GALNT9: variants seen among roughly 807,000 people sequenced by gnomAD.
GALNT9 encodes the protein GalNAc transferase 9.
In GALNT9, 47 loss-of-function variants were observed where a neutral mutation model predicts 63.1. The ratio of observed to expected loss-of-function variants is 0.75; its 90% CI spans 0.59 to 0.95. The LOEUF is 0.95. Ranked by LOEUF, GALNT9 falls within the 40% of genes least tolerant of loss-of-function variation. The probability of loss-of-function intolerance (pLI) is 0.00; values close to 1 mark genes in which losing one functional copy is unlikely to be tolerated. For missense variants in GALNT9, 829 were observed against 874.8 expected (o/e 0.95, Z 0.66); for synonymous variants, 396 against 365.7 (o/e 1.08, Z -0.94).
At chr12:132,250,004 C>T (rs1032676288) in intron 5 of GALNT9, among the ~76,000 whole-genome samples, 3 of 152,172 alleles carry the variant, frequency 2.0e-5, no homozygotes, top group Non-Finnish European at 4.4e-5. Context: ...TTAGTCCAGC[C>T]GGACGCCTCT....
chr12:132,238,230 A>G lies in GALNT9; in HGVS notation c.1077+9680T>C, dbSNP rs1878076075. Among the ~76,000 whole-genome samples the G allele has an allele frequency of 6.6e-6, 1 of 152,052 alleles. No individual in the cohort carries two copies. Among genetic ancestry groups the G allele is most frequent in the East Asian group, 1.9e-4 (1 of 5,170 alleles). On this transcript the variant is annotated intron_variant, in intron 6 of 10. Coordinates refer to ENST00000328957, the MANE Select transcript of GALNT9 (RefSeq NM_001122636.2). The surrounding 1 kb of genome is among the most constrained non-coding windows in gnomAD (Gnocchi z 6.5). ...GGAGAGAGGGGAGAGAGGGGGCGTC[A>G]TCCCAGAGCCCATGAGGGACACGGC...
chr12:132,271,879 G>A (rs1879879468), intron 2 of GALNT9, among the ~76,000 whole-genome samples: 1 of 152,176 alleles, frequency 6.6e-6, no homozygotes, highest in Non-Finnish European at 1.5e-5. Context: ...TGCTGTGTGT[G>A]TTACTGCGGC....
At chr12:132,250,793 C>T (rs1424334004) in intron 5 of GALNT9, among the ~76,000 whole-genome samples, 1 of 138,476 alleles carries the variant, frequency 7.2e-6, no homozygotes, top group South Asian at 2.4e-4. Context: ...CCGTCTCAAA[C>T]GACAACAACA....
rs1441868412 is a variant in GALNT9 at position 132,252,944 on chromosome 12, T to C, written c.959+4745A>G. Among the ~76,000 whole-genome samples, 4 of 151,584 alleles carry C rather than the reference T, an allele frequency of 2.6e-5. No homozygotes were observed. The highest frequency in any genetic ancestry group is 1.9e-4 in the East Asian group (1 of 5,146). Reference sequence around the variant, plus strand: ...GAACGGCTGGGTGCGCTGATATTTATTGCATACAGGACGAGGGGGCAGGGT... The same window carrying C: ...GAACGGCTGGGTGCGCTGATATTTACTGCATACAGGACGAGGGGGCAGGGT... On this transcript the variant is annotated intron_variant, in intron 5 of 10. Coordinates refer to ENST00000328957, the MANE Select transcript of GALNT9 (RefSeq NM_001122636.2). The surrounding 1 kb of genome is among the most constrained non-coding windows in gnomAD (Gnocchi z 5.2).
At chr12:132,324,314 G>A (rs1320771806) in intron 1 of GALNT9, among the ~76,000 whole-genome samples, 6 of 152,320 alleles carry the variant, frequency 3.9e-5, no homozygotes, top group South Asian at 4.1e-4. Context: ...TGCCCGGGCC[G>A]AGCCTGTGCG....
rs1877990600 is a variant in GALNT9, at chr12:132,236,127, C to T, written c.1077+11783G>A. On this transcript the variant is annotated intron_variant, in intron 6 of 10. Transcript: ENST00000328957. This position sits in a 1 kb window ranked among gnomAD's most constrained non-coding sequence, Gnocchi z 5.6. ...GAGGGTCCCCCGGGCTGGAGTTCAA[C>T]CCTCGGGACAGGGCAGAAGATCCCC... Among the ~76,000 whole-genome samples the T allele has an allele frequency of 6.6e-6, 1 of 151,704 alleles. No individual in the cohort carries two copies. The highest frequency in any genetic ancestry group is 6.6e-5 in the Admixed American group (1 of 15,230).
intron 5 of GALNT9, among the ~76,000 whole-genome samples, chr12:132,248,464 T>A (rs1393973456): frequency 7.5e-6 from 1 of 133,156 alleles, no homozygotes; most frequent in African/African-American, 2.6e-5. Flanking sequence ...CAGAGTGAGA[T>A]CCTGTCTCCC....
At chr12:132,244,262 G>A (rs1429404368) in intron 6 of GALNT9, among the ~76,000 whole-genome samples, 1 of 73,098 alleles carries the variant, frequency 1.4e-5, no homozygotes, top group Non-Finnish European at 2.6e-5. Context: ...GGCTAGACGG[G>A]GGATGTGGTG....
intron 6 of GALNT9, among the ~76,000 whole-genome samples, chr12:132,239,783 GGCAGAGACAGAT>G (rs1239671762): frequency 1.3e-5 from 2 of 152,090 alleles, no homozygotes; most frequent in Admixed American, 6.5e-5. Flanking sequence ...GAGACTGGGA[GGCAGAGACAGAT>G]GCAGAGACAG....
At chr12:132,305,283 G>A (rs868994198) in intron 1 of GALNT9, among the ~76,000 whole-genome samples, 32 of 15,320 alleles carry the variant, frequency 2.1e-3, no homozygotes, top group Non-Finnish European at 2.4e-3. Context: ...GCACACCCTC[G>A]CCCGGACACG....
In GALNT9 at chr12:132,257,810, T is replaced by C. The variant is rs1295283586; in HGVS notation, c.838A>G (p.Ser280Gly). 1.7e-5 allele frequency: 26 copies of C among 1,550,268 alleles called. No homozygotes were observed. The highest frequency in any genetic ancestry group is 1.2e-5 in the South Asian group (1 of 84,072). Residue 280 changes from serine to glycine, a missense_variant, in exon 5 of 11, where the codon AGC becomes GGC. Coordinates refer to ENST00000328957, the MANE Select transcript of GALNT9 (RefSeq NM_001122636.2). The part of the protein sequence containing the change: ...VLPAIDNIKY[S>G]TFEVQQYANA... Reference sequence around the variant, plus strand: ...GCATACTGCTGCACCTCAAACGTGCTGTACTTGATGTTGTCGATGGCTGGC... The same window carrying C: ...GCATACTGCTGCACCTCAAACGTGCCGTACTTGATGTTGTCGATGGCTGGC...
rs543499749 is a variant in GALNT9 at position 132,282,326 on chromosome 12, A to G, written c.419+3924T>C. ...CCACATCCCACAGAGGGGGAATCCAATGGGACCCCTGCAGCTCTAAGAACA... is the reference window on the plus strand; with the variant it reads ...CCACATCCCACAGAGGGGGAATCCAGTGGGACCCCTGCAGCTCTAAGAACA... On this transcript the variant is annotated intron_variant, in intron 2 of 10. Transcript: ENST00000328957. This position sits in a 1 kb window ranked among gnomAD's most constrained non-coding sequence, Gnocchi z 4.5. Among the ~76,000 whole-genome samples the G allele has an allele frequency of 9.8e-5, 15 of 152,292 alleles. No homozygotes were observed. In the South Asian group the frequency reaches 2.1e-3, roughly 21 times the overall value.
At chr12:132,284,523 T>C (rs1880511968) in intron 2 of GALNT9, 1 of 152,268 alleles carries the variant, frequency 6.6e-6, no homozygotes, top group South Asian at 2.1e-4. Context: ...ATTTCACCGC[T>C]GCAAATGGAA....
At chr12:132,243,570 T>C (rs2136905706) in intron 6 of GALNT9, among the ~76,000 whole-genome samples, 65 of 152,322 alleles carry the variant, frequency 4.3e-4, no homozygotes, top group African/African-American at 1.5e-3. Context: ...TCTCTTCGTC[T>C]GGCTCCCAGG....
chr12:132,291,234 G>A lies in GALNT9; in HGVS notation c.239-4804C>T, dbSNP rs1157231059. On this transcript the variant is annotated intron_variant, in intron 1 of 10. Coordinates refer to ENST00000328957, the MANE Select transcript of GALNT9 (RefSeq NM_001122636.2). ...CACCACCCACATCCACAGCGCCCACGTCCACAGCGCCCACGTCCTCAGCGC... is the reference window on the plus strand; with the variant it reads ...CACCACCCACATCCACAGCGCCCACATCCACAGCGCCCACGTCCTCAGCGC... Among the ~76,000 whole-genome samples, 14 of 26,832 alleles carry A rather than the reference G, an allele frequency of 5.2e-4. 3 individuals carry two copies. Among genetic ancestry groups the A allele is most frequent in the Non-Finnish European group, 7.2e-4 (12 of 16,718 alleles). The allele number at this position is 26,832 out of a possible 152,430, so 17.6% of individuals were successfully genotyped here.
chr12:132,289,549 T>C (rs1291977999), intron 1 of GALNT9, among the ~76,000 whole-genome samples: 2 of 152,208 alleles, frequency 1.3e-5, no homozygotes, highest in African/African-American at 4.8e-5. Flanking sequence ...TGAATCTGCT[T>C]CATTGGCCAG....
rs1430880522 is a variant in GALNT9, at chr12:132,257,882, C to T, written c.766G>A (p.Glu256Lys). 1.0e-4 allele frequency: 161 copies of T among 1,533,864 alleles called. No individual in the cohort carries two copies. The highest frequency in any genetic ancestry group is 1.3e-4 in the Non-Finnish European group (143 of 1,137,334). ...TCTCGGATCCGCGACAGTGCGGGCT[C>T]GGCCCTGCGGAGGCACAGCTGTGAG... ...AHVEFNTGWAEPALSRIREDR... is the reference protein window; with the variant it reads ...AHVEFNTGWAKPALSRIREDR... The change falls in exon 5 of 11, where the codon GAG (glutamate) becomes AAG (lysine). Residue 256 changes from glutamate (E) to lysine (K), a missense_variant. Transcript: ENST00000328957.
chr12:132,203,093 C>T (rs1326697548), intron 7 of GALNT9, among the ~76,000 whole-genome samples: 2 of 152,114 alleles, frequency 1.3e-5, no homozygotes, highest in South Asian at 2.1e-4. Flanking sequence ...TTCATGAAAC[C>T]GCCAGACAGT....
intron 1 of GALNT9, among the ~76,000 whole-genome samples, chr12:132,321,210 AGGCCCCTGTGGG>A (rs1868775176): frequency 3.4e-5 from 1 of 29,134 alleles, no homozygotes; most frequent in East Asian, 2.8e-3. Context: ...TCCAGAGTCG[AGGCCCCTGTGGG>A]TCTGGAGTCG....
Sources: allele counts gnomAD v4.1 joint callset (sites outside exome capture counted in the v4.1 genomes callset), GRCh38; gene constraint gnomAD v4.1.1; non-coding constraint Gnocchi (gnomAD v3.1); transcripts MANE v1.5; gene names NCBI Gene and HGNC (gene_info 2026-07-23, HGNC 2026-07-21).